Variants in POSTN observed in about 807,000 individuals in gnomAD.
POSTN encodes periostin, also known as osteoblast specific factor 2 (fasciclin I-like).
Under a neutral mutation model 104.5 loss-of-function variants are expected in POSTN, and 71 were observed. The ratio of observed to expected loss-of-function variants is 0.68; its 90% CI spans 0.56 to 0.83. The LOEUF (loss-of-function observed/expected upper bound fraction) is 0.83. Among genes scored for constraint, POSTN ranks in the 40% least tolerant of loss-of-function variants. The pLI is 0.00. For missense variants in POSTN, 949 were observed against 1,006.8 expected (o/e 0.94, Z 0.78); for synonymous variants, 355 against 340.7 (o/e 1.04, Z -0.46).
chr13:37,590,873 T>A (rs1481006526), intron 3 of POSTN, among the ~76,000 whole-genome samples: 1 of 152,156 alleles, frequency 6.6e-6, no homozygotes, highest in Non-Finnish European at 1.5e-5. Context: ...TTTTTATAGA[T>A]TTGGGTCCCT....
chr13:37,579,499 T>C, intron 12 of POSTN, 140 bp from the exon 13 acceptor site: 1 of 749,952 alleles, frequency 1.3e-6, no homozygotes, highest in Non-Finnish European at 2.1e-6. Context: ...TAGATATCGA[T>C]GCTATTTCAA....
intron 17 of POSTN, among the ~76,000 whole-genome samples, chr13:37,572,097 C>T (rs1950276985): frequency 6.6e-6 from 1 of 151,580 alleles, no homozygotes; most frequent in African/African-American, 2.4e-5. Flanking sequence ...ACTAGTGTTG[C>T]ATTTGACTTG....
rs748262613 is a variant in POSTN at position 37,582,378 on chromosome 13, G to A, written c.1380C>T (p.Phe460=). ...GTGATTCACTTACTGTACGATATACGAAGACTCTGAGCTGTTTGCCTCCGA... is the reference window on the plus strand; with the variant it reads ...GTGATTCACTTACTGTACGATATACAAAGACTCTGAGCTGTTTGCCTCCGA... ...ETIGGKQLRV[F]VYRTAVCIEN... The change falls in exon 10 of 23, where the codon TTC becomes TTT. Residue 460 remains phenylalanine, a synonymous_variant. Transcript: ENST00000379747. 22 of 1,610,768 alleles carry A rather than the reference G, an allele frequency of 1.4e-5. No individual in the cohort carries two copies. Among genetic ancestry groups the A allele is most frequent in the Middle Eastern group, 1.7e-4 (1 of 6,046 alleles).
intron 8 of POSTN, 120 bp downstream of exon 8, chr13:37,584,596 C>A (rs1279473449): frequency 1.6e-5 from 13 of 805,088 alleles, no homozygotes; most frequent in Admixed American, 2.4e-5. Context: ...TGTGTTAGTG[C>A]TTTGCATGCC....
chr13:37,581,484 C>A (rs1946177671), intron 10 of POSTN, among the ~76,000 whole-genome samples: 1 of 152,100 alleles, frequency 6.6e-6, no homozygotes, highest in African/African-American at 2.4e-5. Flanking sequence ...CATTGGGAGG[C>A]CAAAGTAGGA....
intron 10 of POSTN, among the ~76,000 whole-genome samples, chr13:37,581,976 A>G (rs878944753): frequency 1.3e-5 from 2 of 152,234 alleles, no homozygotes; most frequent in South Asian, 2.1e-4. Context: ...CTTGTAAAAC[A>G]TTTATTATTT....
At chr13:37,571,251 C>G (rs1043646552) in intron 18 of POSTN, 118 bp downstream of exon 18, 1 of 694,090 alleles carries the variant, frequency 1.4e-6, no homozygotes, top group Non-Finnish European at 2.3e-6. Context: ...ATAATTCCCA[C>G]AATTTTTATA....
Position 37,592,118 on chromosome 13 carries a change from T to A in POSTN, c.265A>T (p.Met89Leu), listed in dbSNP as rs1341558108. ...CCPGYMRMEG[M>L]KGCPAVLPID... ...ATTTTACCTGCTGGGCAGCCTTTCA[T>A]TCCTTCCATTCTCATATAACCAGGG... Residue 89 changes from methionine (M) to leucine (L), a missense_variant, in exon 3 of 23, where the codon ATG (methionine) becomes TTG (leucine). Physicochemically the swap from Met to Leu is conservative, Grantham distance 15 (BLOSUM62 2). Coordinates refer to ENST00000379747, the MANE Select transcript of POSTN (RefSeq NM_006475.3). 6.2e-7 allele frequency: 1 copy of A among 1,607,024 alleles called. No homozygotes were observed.
chr13:37,570,681 G>A lies in POSTN; in HGVS notation c.2180-12C>T. The A allele has an allele frequency of 6.5e-7, 1 of 1,542,694 alleles. No homozygotes were observed. The highest frequency in any genetic ancestry group is 9.0e-7 in the Non-Finnish European group (1 of 1,116,042). On this transcript the variant is annotated splice_polypyrimidine_tract_variant and intron_variant, in intron 18 of 22. Transcript: ENST00000379747. ...TTTAATAATTGGCTCTAAAAGCAGG[G>A]GAATACAAATGCATTTGATTTACCC...
chr13:37,577,478 T>G (rs755139129), intron 16 of POSTN, among the ~76,000 whole-genome samples: 16 of 152,210 alleles, frequency 1.1e-4, no homozygotes, highest in Non-Finnish European at 1.9e-4. Flanking sequence ...CCTTTATATG[T>G]CTTTTTATTT....
chr13:37,587,959 C>T lies in POSTN; in HGVS notation c.469G>A (p.Val157Met), dbSNP rs987907984. The T allele has an allele frequency of 3.1e-6, 5 of 1,604,170 alleles. No homozygotes were observed. Among genetic ancestry groups the T allele is most frequent in the Non-Finnish European group, 2.6e-6 (3 of 1,172,518 alleles). ...AAAGCATTCAGTAATTCAACATTCACGTTGCTCTCCAAACCTCTACGGATA... is the reference window on the plus strand; with the variant it reads ...AAAGCATTCAGTAATTCAACATTCATGTTGCTCTCCAAACCTCTACGGATA... ...SDIRRGLESN[V>M]NVELLNALHS... is the part of the protein sequence containing the mutation. Residue 157 changes from valine to methionine, a missense_variant, in exon 5 of 23, where the codon GTG (valine) becomes ATG (methionine). Coordinates refer to ENST00000379747, the MANE Select transcript of POSTN (RefSeq NM_006475.3).
Position 37,590,354 on chromosome 13 carries a change from A to AT in POSTN, c.441+17dup. ...ATAACAGCAAAAAATAAATATATTG[A>AT]TAAAAATAATGAATTACAGAATCCA... On this transcript the variant is annotated intron_variant, in intron 4 of 22. Coordinates refer to ENST00000379747, the MANE Select transcript of POSTN (RefSeq NM_006475.3). 6.7e-7 allele frequency: 1 copy of AT among 1,499,934 alleles called. No homozygotes were observed. The highest frequency in any genetic ancestry group is 8.9e-7 in the Non-Finnish European group (1 of 1,117,752). 92.9% of individuals were successfully genotyped at this position (1,499,934 alleles called of 1,614,324 possible). A position where few individuals can be genotyped will look rare whatever the true frequency, so the allele number is the denominator to read the frequency against.
chr13:37,572,562 A>G (rs1950292151), intron 17 of POSTN, among the ~76,000 whole-genome samples: 1 of 151,628 alleles, frequency 6.6e-6, no homozygotes, highest in South Asian at 2.1e-4. Context: ...GAAAAGCCAA[A>G]CTGAAATTTT....
chr13:37,579,117 T>C lies in POSTN; in HGVS notation c.1796A>G (p.Asn599Ser). 1 of 1,612,196 alleles carries C rather than the reference T, an allele frequency of 6.2e-7. No individual in the cohort carries two copies. Among genetic ancestry groups the C allele is most frequent in the Non-Finnish European group, 8.5e-7 (1 of 1,178,932 alleles). The change falls in exon 14 of 23, where the codon AAT becomes AGT. Residue 599 changes from asparagine (N) to serine (S), a missense_variant. Asn to Ser is a conservative substitution (Grantham distance 46, BLOSUM62 1). Coordinates refer to ENST00000379747, the MANE Select transcript of POSTN (RefSeq NM_006475.3). ...QGSKIFLKEV[N>S]DTLLVNELKS... ...CAATTCATTCACCAGAAGTGTATCA[T>C]TTACCTATCAAAATAGGAGGCAATT... is the stretch of plus-strand genomic sequence containing the variant.
chr13:37,565,793 C>A (rs114134217), intron 21 of POSTN, among the ~76,000 whole-genome samples: 4,562 of 152,098 alleles, frequency 0.03, 215 homozygotes, highest in African/African-American at 0.1. Flanking sequence ...TATTCTCCAA[C>A]AGATATAAAT....
chr13:37,589,401 G>A (rs1183633023), intron 4 of POSTN, among the ~76,000 whole-genome samples: 2 of 151,980 alleles, frequency 1.3e-5, no homozygotes, highest in Non-Finnish European at 2.9e-5. Context: ...ACAACGTGAA[G>A]GTTTGTTACA....
intron 4 of POSTN, among the ~76,000 whole-genome samples, chr13:37,588,973 A>G (rs963061052): frequency 6.6e-6 from 1 of 152,162 alleles, no homozygotes; most frequent in Non-Finnish European, 1.5e-5. Context: ...TGAGGCTAAC[A>G]GCAGTTTTTA....
At chr13:37,585,194 GT>G (rs1950708935) in intron 7 of POSTN, among the ~76,000 whole-genome samples, 1 of 152,188 alleles carries the variant, frequency 6.6e-6, no homozygotes. Flanking sequence ...GGTAGGTTAA[GT>G]TCCAGCTATC....
chr13:37,574,435 G>A, intron 17 of POSTN, 137 bp downstream of exon 17: 1 of 1,193,068 alleles, frequency 8.4e-7, no homozygotes, highest in Non-Finnish European at 1.1e-6. Flanking sequence ...AATTACATGA[G>A]CATGCCATTG....
Sources: gnomAD v4.1 joint callset for allele counts (sites outside exome capture counted in the v4.1 genomes callset) on GRCh38, gnomAD v4.1.1 for gene constraint, MANE v1.5 for transcripts, NCBI Gene and HGNC (gene_info 2026-07-23, HGNC 2026-07-21) for gene names.